EHD3: variants seen among roughly 807,000 people sequenced by gnomAD.
EHD3 encodes the protein EH domain containing 3, also known as EH domain-containing protein 3.
In EHD3, 17 loss-of-function variants were observed where a neutral mutation model predicts 43.0. The ratio of observed to expected loss-of-function variants is 0.40; its 90% confidence interval spans 0.27 to 0.59. The LOEUF (loss-of-function observed/expected upper bound fraction) is 0.59, where lower values mean the gene tolerates loss of function less well. Ranked by LOEUF, EHD3 falls within the 20% of genes least tolerant of loss-of-function variation. EHD3 has a pLI of 0.49. For synonymous variants in EHD3, 313 were observed against 289.5 expected (o/e 1.08, Z -0.82); for missense variants, 594 against 705.6 (o/e 0.84, Z 1.79).
chr2:31,247,652 C>G (rs942655281), intron 2 of EHD3, among the ~76,000 whole-genome samples: 2 of 152,166 alleles, frequency 1.3e-5, no homozygotes, highest in African/African-American at 4.8e-5. Context: ...ACACCAGGCC[C>G]CTAGCGGCCT....
At chr2:31,253,157 C>T (rs1457437173) in intron 3 of EHD3, among the ~76,000 whole-genome samples, 1 of 142,108 alleles carries the variant, frequency 7.0e-6, no homozygotes, top group Non-Finnish European at 1.5e-5. Context: ...TTTACGCACA[C>T]ACCCACTCCC....
chr2:31,268,894 A>G lies in EHD3; in HGVS notation c.*2190A>G, dbSNP rs1010380085. ...CTTTCTTCACTGCCACTGGACACAC[A>G]TGCCACTTTCCTGCCCTTCTACATA... On this transcript the variant is annotated 3_prime_UTR_variant, in exon 6 of 6. Coordinates refer to ENST00000322054, the MANE Select transcript of EHD3 (RefSeq NM_014600.3). 6 of 152,270 alleles carry G rather than the reference A, an allele frequency of 3.9e-5. No individual in the cohort carries two copies. Among genetic ancestry groups the G allele is most frequent in the African/African-American group, 1.2e-4 (5 of 41,450 alleles). The allele number at this position is 152,270 out of a possible 1,614,324, so 9.4% of individuals were successfully genotyped here.
Position 31,260,385 on chromosome 2 carries a change from G to A in EHD3, c.503-125G>A. 1.0e-6 allele frequency: 1 copy of A among 952,402 alleles called. No individual in the cohort carries two copies. Among genetic ancestry groups the A allele is most frequent in the Non-Finnish European group, 1.5e-6 (1 of 669,024 alleles). The allele number at this position is 952,402 out of a possible 1,614,324, so 59.0% of individuals were successfully genotyped here. A position where few individuals can be genotyped will look rare whatever the true frequency, so the allele number is the denominator to read the frequency against. ...GAGTCCAAACAGTTAAAATGTGGAG[G>A]AGCCAGGATTTAAACTTAGATCTGA... On this transcript the variant is annotated intron_variant, in intron 3 of 5. Coordinates refer to ENST00000322054, the MANE Select transcript of EHD3 (RefSeq NM_014600.3). This position sits in a 1 kb window ranked among gnomAD's most constrained non-coding sequence, Gnocchi z 4.6.
rs568667922 is a variant in EHD3 at position 31,234,458 on chromosome 2, C to T, written c.-164C>T. 2.8e-6 allele frequency: 2 copies of T among 722,912 alleles called. No homozygotes were observed. Among genetic ancestry groups the T allele is most frequent in the African/African-American group, 3.6e-5 (2 of 56,072 alleles). 44.8% of individuals were successfully genotyped at this position (722,912 alleles called of 1,614,324 possible). On this transcript the variant is annotated 5_prime_UTR_variant, in exon 1 of 6. Transcript: ENST00000322054. Reference sequence around the variant, plus strand: ...GTCCCAGGAGCAGGGAGAGTGCGCTCCCGGCCCTCCTAGCCGCGTGCCCGG... The same window carrying T: ...GTCCCAGGAGCAGGGAGAGTGCGCTTCCGGCCCTCCTAGCCGCGTGCCCGG...
chr2:31,245,310 T>C (rs1013326782), intron 2 of EHD3, among the ~76,000 whole-genome samples: 1 of 152,098 alleles, frequency 6.6e-6, no homozygotes, highest in Admixed American at 6.5e-5. Context: ...GTAAATAGGA[T>C]AATAGGAGTT....
intron 2 of EHD3, among the ~76,000 whole-genome samples, chr2:31,244,970 G>T (rs1683491338): frequency 6.6e-6 from 1 of 152,132 alleles, no homozygotes; most frequent in African/African-American, 2.4e-5. Flanking sequence ...GTTCAGCCTT[G>T]CAGATACCAA....
At position 31,249,446 on chromosome 2, in the gene EHD3, G is replaced by A; in HGVS notation, c.480G>A (p.Gly160=). ...TCGACACACCAGGGATCCTCTCTGGGGAGAAGCAGAGGATCAGCCGGGGTA... is the reference window on the plus strand; with the variant it reads ...TCGACACACCAGGGATCCTCTCTGGAGAGAAGCAGAGGATCAGCCGGGGTA... ...SVIDTPGILS[G]EKQRISRGYD... Residue 160 remains glycine (G), a synonymous_variant, in exon 3 of 6, where the codon GGG becomes GGA. Coordinates refer to ENST00000322054, the MANE Select transcript of EHD3 (RefSeq NM_014600.3). 6.2e-7 allele frequency: 1 copy of A among 1,614,104 alleles called. No individual in the cohort carries two copies. The highest frequency in any genetic ancestry group is 8.5e-7 in the Non-Finnish European group (1 of 1,179,996).
chr2:31,267,435 G>A lies in EHD3; in HGVS notation c.*731G>A, dbSNP rs1683976425. The A allele has an allele frequency of 6.6e-6, 1 of 152,568 alleles. No individual in the cohort carries two copies. Among genetic ancestry groups the A allele is most frequent in the African/African-American group, 2.4e-5 (1 of 41,452 alleles). 9.5% of individuals were successfully genotyped at this position (152,568 alleles called of 1,614,324 possible). A position where few individuals can be genotyped will look rare whatever the true frequency, so the allele number is the denominator to read the frequency against. On this transcript the variant is annotated 3_prime_UTR_variant, in exon 6 of 6. Transcript: ENST00000322054. ...AAGGTGGTTTTAGTTCATAGATTTTGTTAGATGTTCTTTCCACCTGGCCTA... is the reference window on the plus strand; with the variant it reads ...AAGGTGGTTTTAGTTCATAGATTTTATTAGATGTTCTTTCCACCTGGCCTA...
At chr2:31,241,118 G>A (rs1572462024) in intron 1 of EHD3, among the ~76,000 whole-genome samples, 1 of 152,168 alleles carries the variant, frequency 6.6e-6, no homozygotes, top group East Asian at 1.9e-4. Context: ...GGCCAAGCAG[G>A]GAACCCCACA....
At chr2:31,243,448 CTTTCTTTCTTTCTTT>C (rs2148716695) in intron 1 of EHD3, among the ~76,000 whole-genome samples, 1 of 67,068 alleles carries the variant, frequency 1.5e-5, no homozygotes, top group East Asian at 8.1e-4. Flanking sequence ...TTCTTTCTTT[CTTTCTTTCTTTCTTT>C]TTTTTTTTTT....
chr2:31,260,863 C>G lies in EHD3; in HGVS notation c.856C>G (p.Pro286Ala). ...QDLFRDIQSL[P>A]RNAALRKLND... ...CCTATTCAGGGACATCCAGAGTCTGCCCCGAAATGCTGCCCTGCGCAAGCT... is the reference window on the plus strand; with the variant it reads ...CCTATTCAGGGACATCCAGAGTCTGGCCCGAAATGCTGCCCTGCGCAAGCT... The change falls in exon 4 of 6, where the codon CCC becomes GCC. Residue 286 changes from proline (P) to alanine (A), a missense_variant. Pro to Ala is a conservative substitution (Grantham distance 27). Coordinates refer to ENST00000322054, the MANE Select transcript of EHD3 (RefSeq NM_014600.3). This position sits in a 1 kb window ranked among gnomAD's most constrained non-coding sequence, Gnocchi z 4.6. 1 of 1,614,000 alleles carries G rather than the reference C, an allele frequency of 6.2e-7. No individual in the cohort carries two copies. The highest frequency in any genetic ancestry group is 8.5e-7 in the Non-Finnish European group (1 of 1,179,948).
chr2:31,254,439 C>T (rs537094792), intron 3 of EHD3, among the ~76,000 whole-genome samples: 1 of 152,348 alleles, frequency 6.6e-6, no homozygotes, highest in Admixed American at 6.5e-5. Flanking sequence ...CTGGGCAGAG[C>T]AGCCGAGTCC....
intron 3 of EHD3, among the ~76,000 whole-genome samples, chr2:31,249,755 A>T (rs1558648988): frequency 6.6e-6 from 1 of 152,128 alleles, no homozygotes; most frequent in South Asian, 2.1e-4. Context: ...GGGTTTATTC[A>T]TGCTACAAGG....
Position 31,260,712 on chromosome 2 carries a change from C to A in EHD3, c.705C>A (p.Ala235=), listed in dbSNP as rs758996076. The change falls in exon 4 of 6, where the codon GCC becomes GCA. Residue 235 remains alanine, a synonymous_variant. Transcript: ENST00000322054. This position sits in a 1 kb window ranked among gnomAD's most constrained non-coding sequence, Gnocchi z 4.6. ...AGCAGCTGATGCGGGTGTACGGGGC[C>A]CTCATGTGGTCCTTGGGGAAGATCG... is the stretch of plus-strand genomic sequence containing the variant. ...ETQQLMRVYG[A]LMWSLGKIVN... The A allele has an allele frequency of 9.3e-6, 15 of 1,614,074 alleles. No individual in the cohort carries two copies. The South Asian group carries it at 1.6e-4, about 18-fold the overall frequency.
chr2:31,249,436 T>A lies in EHD3; in HGVS notation c.470T>A (p.Ile157Asn). 1 of 1,614,102 alleles carries A rather than the reference T, an allele frequency of 6.2e-7. No individual in the cohort carries two copies. Among genetic ancestry groups the A allele is most frequent in the Non-Finnish European group, 8.5e-7 (1 of 1,179,998 alleles). Residue 157 changes from isoleucine (I) to asparagine (N), a missense_variant, in exon 3 of 6, where the codon ATC (isoleucine) becomes AAC (asparagine). Physicochemically the swap from Ile to Asn is moderately radical, Grantham distance 149. Around this residue, in one of 3 missense-constraint regions of EHD3, gnomAD observed 243 missense variants for 296.7 expected, o/e 0.82. Coordinates refer to ENST00000322054, the MANE Select transcript of EHD3 (RefSeq NM_014600.3). ...ATCAGCGTCATCGACACACCAGGGA[T>A]CCTCTCTGGGGAGAAGCAGAGGATC... ...ESISVIDTPG[I>N]LSGEKQRISR... is the part of the protein sequence containing the mutation.
chr2:31,266,788 ACAC>A lies in EHD3; in HGVS notation c.*85_*87del. 2.9e-5 allele frequency: 40 copies of A among 1,400,166 alleles called. No homozygotes were observed. The African/African-American group carries it at 3.0e-4, about 10-fold the overall frequency. The allele number at this position is 1,400,166 out of a possible 1,614,324, so 86.7% of individuals were successfully genotyped here. On this transcript the variant is annotated 3_prime_UTR_variant, in exon 6 of 6. Coordinates refer to ENST00000322054, the MANE Select transcript of EHD3 (RefSeq NM_014600.3). The surrounding 1 kb of genome is among the most constrained non-coding windows in gnomAD (Gnocchi z 5.1). Reference sequence around the variant, plus strand: ...CACACACACACACACACACACACACACACACAAACATGCACACACACATATGCA... The same window carrying A: ...CACACACACACACACACACACACACAACAAACATGCACACACACATATGCA...
At chr2:31,254,393 G>A (rs931451778) in intron 3 of EHD3, among the ~76,000 whole-genome samples, 4 of 152,174 alleles carry the variant, frequency 2.6e-5, no homozygotes, top group African/African-American at 9.7e-5. Context: ...CAGACTACGT[G>A]CCGGTACAGG....
chr2:31,245,528 AATATATATAT>A (rs775189280), intron 2 of EHD3, among the ~76,000 whole-genome samples: 2,130 of 74,940 alleles, frequency 0.028, 39 homozygotes, highest in Middle Eastern at 0.1. Flanking sequence ...TCTTATCCCA[AATATATATAT>A]ATATATATAT....
At chr2:31,265,702 A>G (rs1010658789) in intron 5 of EHD3, among the ~76,000 whole-genome samples, 19 of 152,150 alleles carry the variant, frequency 1.2e-4, no homozygotes, top group African/African-American at 4.3e-4. Flanking sequence ...GGGGGAGTGA[A>G]CGAGGTAATG....
Sources: allele counts gnomAD v4.1 joint callset (sites outside exome capture counted in the v4.1 genomes callset), GRCh38; gene constraint gnomAD v4.1.1; regional missense constraint gnomAD v4.1.1; non-coding constraint Gnocchi (gnomAD v3.1); transcripts MANE v1.5; gene names NCBI Gene and HGNC (gene_info 2026-07-23, HGNC 2026-07-21).